TRIM44: variants seen among roughly 807,000 people sequenced by gnomAD.
TRIM44 encodes the protein tripartite motif containing 44.
Under a neutral mutation model 37.4 loss-of-function variants are expected in TRIM44, and 13 were observed. The observed-to-expected ratio is 0.35, with a 90% CI of 0.23 to 0.55. The LOEUF is 0.55. Ranked by LOEUF, TRIM44 falls within the 20% of genes least tolerant of loss-of-function variation. The pLI is 0.89. For missense variants in TRIM44, 426 were observed against 437.2 expected (o/e 0.97, Z 0.23); for synonymous variants, 175 against 157.2 (o/e 1.11, Z -0.85).
At chr11:35,714,072 A>G (rs1338466669) in intron 2 of TRIM44, among the ~76,000 whole-genome samples, 1 of 152,164 alleles carries the variant, frequency 6.6e-6, no homozygotes, top group Non-Finnish European at 1.5e-5. Context: ...TGAGTAGGAA[A>G]GTCTTTTAGA....
intron 4 of TRIM44, among the ~76,000 whole-genome samples, chr11:35,757,902 G>A (rs1273406708): frequency 6.6e-6 from 1 of 152,166 alleles, no homozygotes; most frequent in Non-Finnish European, 1.5e-5. Context: ...ATTTGCTGAG[G>A]AGTACTTTAC....
intron 4 of TRIM44, among the ~76,000 whole-genome samples, chr11:35,766,807 T>C (rs1237480404): frequency 6.6e-6 from 1 of 152,210 alleles, no homozygotes; most frequent in Non-Finnish European, 1.5e-5. Context: ...TGAGGTTGAC[T>C]TGTGCCTCAC....
At chr11:35,793,129 A>T (rs1032403580) in intron 4 of TRIM44, among the ~76,000 whole-genome samples, 1 of 151,820 alleles carries the variant, frequency 6.6e-6, no homozygotes, top group Non-Finnish European at 1.5e-5. Flanking sequence ...CAGCCAGGTT[A>T]CAACAGGAGA....
At chr11:35,729,402 A>C (rs1238484386) in intron 3 of TRIM44, among the ~76,000 whole-genome samples, 1 of 152,134 alleles carries the variant, frequency 6.6e-6, no homozygotes, top group Non-Finnish European at 1.5e-5. Flanking sequence ...CCCATCTCCT[A>C]TGCATCCGTA....
chr11:35,735,735 A>G (rs1395036966), intron 4 of TRIM44, among the ~76,000 whole-genome samples: 3 of 152,154 alleles, frequency 2.0e-5, no homozygotes, highest in Non-Finnish European at 4.4e-5. Context: ...TAGTATCATT[A>G]TGGTAATGGT....
At chr11:35,766,426 A>T (rs540763254) in intron 4 of TRIM44, among the ~76,000 whole-genome samples, 1 of 152,182 alleles carries the variant, frequency 6.6e-6, no homozygotes, top group Non-Finnish European at 1.5e-5. Flanking sequence ...GCAGAATTGA[A>T]TGATACTCTG....
chr11:35,763,017 C>G (rs1257308830), intron 4 of TRIM44, among the ~76,000 whole-genome samples: 1 of 152,100 alleles, frequency 6.6e-6, no homozygotes, highest in African/African-American at 2.4e-5. Flanking sequence ...CACAGATGAC[C>G]TTGGAATCTC....
intron 4 of TRIM44, among the ~76,000 whole-genome samples, chr11:35,739,246 G>C (rs1301936379): frequency 6.6e-6 from 1 of 152,186 alleles, no homozygotes; most frequent in African/African-American, 2.4e-5. Context: ...CAAACCTCAT[G>C]ATATAGTTAT....
At chr11:35,717,372 G>A (rs1318164633) in intron 2 of TRIM44, among the ~76,000 whole-genome samples, 8 of 152,096 alleles carry the variant, frequency 5.3e-5, no homozygotes, top group Non-Finnish European at 1.5e-5. Flanking sequence ...AAAAAGGGTA[G>A]CAAGTGTTTG....
intron 2 of TRIM44, chr11:35,724,236 C>G (rs1347036788): frequency 6.6e-6 from 1 of 152,246 alleles, no homozygotes; most frequent in Admixed American, 6.5e-5. Context: ...CTGCTACCCC[C>G]TCCTGTAGGC....
At chr11:35,752,877 A>G (rs992393710) in intron 4 of TRIM44, among the ~76,000 whole-genome samples, 3 of 152,216 alleles carry the variant, frequency 2.0e-5, no homozygotes, top group Admixed American at 6.5e-5. Flanking sequence ...GGTTTTCTGC[A>G]TAAACTTGCC....
chr11:35,773,935 C>T (rs550350473), intron 4 of TRIM44, among the ~76,000 whole-genome samples: 7 of 152,250 alleles, frequency 4.6e-5, no homozygotes, highest in African/African-American at 9.6e-5. Flanking sequence ...TAAACATATG[C>T]GTGCATGTGT....
At chr11:35,759,835 C>T (rs1852698104) in intron 4 of TRIM44, among the ~76,000 whole-genome samples, 1 of 152,210 alleles carries the variant, frequency 6.6e-6, no homozygotes, top group African/African-American at 2.4e-5. Flanking sequence ...GCAAATGTTG[C>T]TGCCTGATCA....
intron 4 of TRIM44, among the ~76,000 whole-genome samples, chr11:35,772,511 C>T (rs1015831378): frequency 4.9e-4 from 75 of 152,226 alleles, no homozygotes; most frequent in African/African-American, 1.8e-3. Flanking sequence ...CTGCCCAAGA[C>T]CATGGGAACC....
At chr11:35,792,099 ACACACACACACACTCT>A (rs1479592267) in intron 4 of TRIM44, among the ~76,000 whole-genome samples, 16 of 109,244 alleles carry the variant, frequency 1.5e-4, no homozygotes, top group African/African-American at 4.5e-4. Flanking sequence ...ACACACACAC[ACACACACACACACTCT>A]CTCTCATCAT....
chr11:35,773,601 C>T (rs1852905787), intron 4 of TRIM44, among the ~76,000 whole-genome samples: 1 of 152,108 alleles, frequency 6.6e-6, no homozygotes, highest in Admixed American at 6.5e-5. Flanking sequence ...AGATATATCT[C>T]CCAGTGCTAT....
At chr11:35,666,062 A>G (rs1590485622) in intron 1 of TRIM44, among the ~76,000 whole-genome samples, 1 of 152,202 alleles carries the variant, frequency 6.6e-6, no homozygotes, top group South Asian at 2.1e-4. Context: ...TGTTCTACTT[A>G]GTATTGATTT....
At chr11:35,756,255 C>G (rs1852637488) in intron 4 of TRIM44, among the ~76,000 whole-genome samples, 1 of 152,098 alleles carries the variant, frequency 6.6e-6, no homozygotes. Flanking sequence ...GTATTGTATT[C>G]TCTTTGAAGC....
Position 35,663,167 on chromosome 11 carries a change from A to G in TRIM44, c.56A>G (p.Asp19Gly). 1 of 1,565,248 alleles carries G rather than the reference A, an allele frequency of 6.4e-7. No homozygotes were observed. The highest frequency in any genetic ancestry group is 2.2e-5 in the East Asian group (1 of 44,480). The change falls in exon 1 of 5, where the codon GAC (aspartate) becomes GGC (glycine). Residue 19 changes from aspartate (D) to glycine (G), a missense_variant. Around this residue, in one of 2 missense-constraint regions of TRIM44, gnomAD observed 331 missense variants for 303.0 expected, o/e 1.09. Coordinates refer to ENST00000299413, the MANE Select transcript of TRIM44 (RefSeq NM_017583.6). ...GAACTGCCTCACGACGGCACGTGTG[A>G]CGAGTGCGAGCCCGACGAGGCTCCG... ...FEELPHDGTC[D>G]ECEPDEAPGA...
Sources: gnomAD v4.1 joint callset for allele counts (sites outside exome capture counted in the v4.1 genomes callset) on GRCh38, gnomAD v4.1.1 for gene constraint, gnomAD v4.1.1 regional missense constraint, MANE v1.5 for transcripts, NCBI Gene and HGNC (gene_info 2026-07-23, HGNC 2026-07-21) for gene names.